NTRK3: variants seen among roughly 807,000 people sequenced by gnomAD.
NTRK3 encodes neurotrophic receptor tyrosine kinase 3, also known as NT-3 growth factor receptor.
In NTRK3, 24 loss-of-function variants were observed where a neutral mutation model predicts 91.7. The ratio of observed to expected loss-of-function variants is 0.26; its 90% CI spans 0.19 to 0.37. The LOEUF (loss-of-function observed/expected upper bound fraction) is 0.37, where lower values mean the gene tolerates loss of function less well. Ranked by LOEUF, NTRK3 falls within the 10% of genes least tolerant of loss-of-function variation. The pLI, the probability that NTRK3 is intolerant of heterozygous loss-of-function variation, is 1.00. For synonymous variants in NTRK3, 483 were observed against 404.0 expected, an observed-to-expected ratio of 1.20 and a Z score of -2.34; for missense variants, 880 against 1,068.9, an observed-to-expected ratio of 0.82 and a Z score of 2.46.
chr15:88,020,431 G>A (rs2077520633), intron 14 of NTRK3, among the ~76,000 whole-genome samples: 1 of 152,094 alleles, frequency 6.6e-6, no homozygotes, highest in African/African-American at 2.4e-5. Flanking sequence ...TTAGAGTTGG[G>A]GGAAAGAAGT....
In NTRK3 at chr15:88,237,006, A is replaced by T. The variant is rs189618626; in HGVS notation, c.248+18900T>A. On this transcript the variant is annotated intron_variant, in intron 3 of 18. Coordinates refer to ENST00000394480, the Ensembl canonical transcript of NTRK3. This position sits in a 1 kb window ranked among gnomAD's most constrained non-coding sequence, Gnocchi z 4.0. ...ACACTTAAGAGTAACGCATTTCATT[A>T]AATATAAATATTAGCTCAAAAAGTG... Among the ~76,000 whole-genome samples the T allele has an allele frequency of 2.6e-3, 399 of 152,318 alleles. No homozygotes were observed. The highest frequency in any genetic ancestry group is 4.4e-3 in the Non-Finnish European group (302 of 68,028).
intron 13 of NTRK3, among the ~76,000 whole-genome samples, chr15:88,064,705 C>A (rs1195665429): frequency 6.6e-6 from 1 of 152,148 alleles, no homozygotes; most frequent in Non-Finnish European, 1.5e-5. Context: ...AACCAAGGAG[C>A]TTTCAAGAAG....
At chr15:88,011,369 C>T (rs1383574966) in intron 14 of NTRK3, among the ~76,000 whole-genome samples, 2 of 152,158 alleles carry the variant, frequency 1.3e-5, no homozygotes, top group African/African-American at 4.8e-5. Context: ...GAGAATGTGA[C>T]TCTACTAGTA....
exon 19 of NTRK3, chr15:87,876,292 T>C (rs1172685397): frequency 8.6e-6 from 2 of 231,390 alleles, no homozygotes; most frequent in Non-Finnish European, 1.7e-5. Flanking sequence ...TTACACTTTT[T>C]AGAATGGACA....
chr15:87,916,518 C>T (rs759277659), intron 17 of NTRK3: 2 of 702,310 alleles, frequency 2.8e-6, no homozygotes, highest in Non-Finnish European at 5.2e-6. Flanking sequence ...GGGGCATCTT[C>T]CCCGTCTTTT....
At chr15:88,064,654 C>T (rs1021811703) in intron 13 of NTRK3, among the ~76,000 whole-genome samples, 1 of 152,150 alleles carries the variant, frequency 6.6e-6, no homozygotes, top group African/African-American at 2.4e-5. Flanking sequence ...CTTCCAGTGC[C>T]CCCTCCACTG....
chr15:88,227,904 G>T (rs2050820790), intron 3 of NTRK3, among the ~76,000 whole-genome samples: 1 of 152,086 alleles, frequency 6.6e-6, no homozygotes, highest in Non-Finnish European at 1.5e-5. Flanking sequence ...CCTGTATCCA[G>T]ATGGAAACAG....
At chr15:87,979,358 C>T (rs1318459860) in intron 14 of NTRK3, 21 of 1,612,258 alleles carry the variant, frequency 1.3e-5, no homozygotes, top group South Asian at 5.5e-5. Flanking sequence ...AAAGCCATGA[C>T]GTCCTTTGCT....
intron 17 of NTRK3, among the ~76,000 whole-genome samples, chr15:87,908,793 G>T (rs1197606534): frequency 1.3e-5 from 2 of 152,022 alleles, no homozygotes; most frequent in East Asian, 1.9e-4. Context: ...TCTGGAGTCC[G>T]CCCAGAAACA....
intron 17 of NTRK3, among the ~76,000 whole-genome samples, chr15:87,881,948 T>G (rs546827238): frequency 1.3e-5 from 2 of 152,260 alleles, no homozygotes. Flanking sequence ...CAGGCTGGAG[T>G]GCAGTGGCGC....
intron 5 of NTRK3, among the ~76,000 whole-genome samples, chr15:88,167,229 T>G (rs1017421529): frequency 6.6e-6 from 1 of 152,168 alleles, no homozygotes; most frequent in East Asian, 1.9e-4. Flanking sequence ...GTAAAGCCAG[T>G]GCTGCTGTGC....
At chr15:88,076,239 A>AT (rs2047533086) in intron 13 of NTRK3, among the ~76,000 whole-genome samples, 1 of 152,212 alleles carries the variant, frequency 6.6e-6, no homozygotes, top group African/African-American at 2.4e-5. Context: ...ACTGCCCTTT[A>AT]TAAAACCATC....
chr15:88,237,774 A>G lies in NTRK3; in HGVS notation c.248+18132T>C, dbSNP rs1251070947. On this transcript the variant is annotated intron_variant, in intron 3 of 18. Coordinates refer to ENST00000394480, the Ensembl canonical transcript of NTRK3. This position sits in a 1 kb window ranked among gnomAD's most constrained non-coding sequence, Gnocchi z 4.0. ...CAAGACACACCAAAATAAAATGAGAAAAAAAAAATCAGCCTTGATGAACTT... is the reference window on the plus strand; with the variant it reads ...CAAGACACACCAAAATAAAATGAGAGAAAAAAAATCAGCCTTGATGAACTT... Among the ~76,000 whole-genome samples the G allele has an allele frequency of 6.6e-6, 1 of 151,730 alleles. No individual in the cohort carries two copies. The highest frequency in any genetic ancestry group is 2.4e-5 in the African/African-American group (1 of 41,284).
At chr15:88,126,056 T>A (rs2053253171) in intron 13 of NTRK3, among the ~76,000 whole-genome samples, 1 of 152,190 alleles carries the variant, frequency 6.6e-6, no homozygotes, top group African/African-American at 2.4e-5. Flanking sequence ...AGCAAAACCA[T>A]GTGGATCTAC....
intron 14 of NTRK3, among the ~76,000 whole-genome samples, chr15:88,007,822 T>C (rs1021916032): frequency 1.3e-5 from 2 of 152,202 alleles, no homozygotes; most frequent in Non-Finnish European, 2.9e-5. Flanking sequence ...GATCTCTCTA[T>C]GCCTCAGTAA....
chr15:88,110,824 G>C (rs1383154620), intron 13 of NTRK3, among the ~76,000 whole-genome samples: 3 of 152,158 alleles, frequency 2.0e-5, no homozygotes, highest in Non-Finnish European at 2.9e-5. Flanking sequence ...GTCTACTACA[G>C]AACCCAATTT....
At chr15:87,904,717 A>T (rs1596176795) in intron 17 of NTRK3, among the ~76,000 whole-genome samples, 1 of 152,208 alleles carries the variant, frequency 6.6e-6, no homozygotes, top group Non-Finnish European at 1.5e-5. Flanking sequence ...AGGGCGGCCC[A>T]TATGTAACCA....
chr15:87,995,521 G>A (rs551505267), intron 14 of NTRK3, among the ~76,000 whole-genome samples: 1 of 152,308 alleles, frequency 6.6e-6, no homozygotes, highest in African/African-American at 2.4e-5. Flanking sequence ...ACTTGGGGAA[G>A]TGCAAGGAGT....
At chr15:87,987,678 A>G (rs1049587786) in intron 14 of NTRK3, among the ~76,000 whole-genome samples, 12 of 151,922 alleles carry the variant, frequency 7.9e-5, no homozygotes, top group Non-Finnish European at 1.5e-4. Context: ...TACAGTACTC[A>G]TAGATTTTTT....
Sources: gnomAD v4.1 joint callset for allele counts (sites outside exome capture counted in the v4.1 genomes callset) on GRCh38, gnomAD v4.1.1 for gene constraint, Gnocchi (gnomAD v3.1) non-coding constraint, MANE v1.5 for transcripts, NCBI Gene and HGNC (gene_info 2026-07-23, HGNC 2026-07-21) for gene names.